The following EVC variants were observed in gnomAD, a reference collection of about 807,000 sequenced individuals.
EVC encodes the protein evC complex member EVC.
EVC carries 116 observed loss-of-function variants against 118.9 expected under a neutral mutation model. The observed-to-expected ratio is 0.98, with a 90% CI of 0.84 to 1.14. The LOEUF (loss-of-function observed/expected upper bound fraction) is 1.14. Ranked by LOEUF, EVC falls within the 50% of genes most tolerant of loss-of-function variation. The pLI, the probability that EVC is intolerant of heterozygous loss-of-function variation, is 0.00. For missense variants in EVC, 1,401 were observed against 1,246.4 expected (o/e 1.12, Z -1.87); for synonymous variants, 619 against 534.7 (o/e 1.16, Z -2.18).
chr4:5,719,398 T>G lies in EVC; in HGVS notation c.300+25T>G, dbSNP rs1724564147. The G allele has an allele frequency of 6.2e-7, 1 of 1,613,862 alleles. No individual in the cohort carries two copies. The highest frequency in any genetic ancestry group is 1.7e-5 in the Admixed American group (1 of 60,010). On this transcript the variant is annotated intron_variant, in intron 2 of 20. Transcript: ENST00000264956. The surrounding 1 kb of genome is among the most constrained non-coding windows in gnomAD (Gnocchi z 4.7). ...TGTAAGCTTGGTGTTGATGTTTGTT[T>G]GTGGAGGCACATGTGGGAGGTGGGG...
the EVC span, chr4:5,824,221 G>A: frequency 1.1e-6 from 1 of 882,672 alleles, no homozygotes; most frequent in Non-Finnish European, 1.4e-6. Flanking sequence ...CTTGTGTCTT[G>A]TTGCACCCAG....
At chr4:5,761,257 A>G (rs116696524) in intron 11 of EVC, among the ~76,000 whole-genome samples, 1 of 152,052 alleles carries the variant, frequency 6.6e-6, no homozygotes. Context: ...CCTGCTCCAC[A>G]GGGAGCATGA....
intron 6 of EVC, 66 bp downstream of exon 6, chr4:5,741,880 A>C: frequency 1.2e-6 from 1 of 845,438 alleles, no homozygotes; most frequent in Non-Finnish European, 1.9e-6. Context: ...ACAACTTATG[A>C]TGCAAAAATT....
intron 14 of EVC, 117 bp downstream of exon 14, chr4:5,797,349 C>A: frequency 1.1e-6 from 1 of 897,034 alleles, no homozygotes; most frequent in Non-Finnish European, 1.8e-6. Context: ...CTGCAGGGTG[C>A]GGTATTCATT....
downstream of EVC, among the ~76,000 whole-genome samples, chr4:5,818,895 C>T (rs1025844279): frequency 2.0e-5 from 3 of 152,322 alleles, no homozygotes; most frequent in Non-Finnish European, 2.9e-5. Flanking sequence ...GTGGGGTCCA[C>T]AGAACTAGCA....
intron 11 of EVC, among the ~76,000 whole-genome samples, chr4:5,767,706 C>T (rs1733159313): frequency 6.6e-6 from 1 of 152,170 alleles, no homozygotes; most frequent in Admixed American, 6.5e-5. Flanking sequence ...GGAAAGGGAA[C>T]TCCCTGACCC....
chr4:5,821,770 CTGG>C, the EVC span: 1 of 1,610,288 alleles, frequency 6.2e-7, no homozygotes, highest in Non-Finnish European at 8.5e-7. The surrounding 1 kb of genome is among the most constrained non-coding windows in gnomAD (Gnocchi z 4.4). Context: ...TCAACCGAGG[CTGG>C]TGATGTTGGA....
Position 5,731,434 on chromosome 4 carries a change from G to A in EVC, c.394G>A (p.Asp132Asn), listed in dbSNP as rs1345242139. Residue 132 changes from aspartate to asparagine, a missense_variant, in exon 4 of 21, where the codon GAT (aspartate) becomes AAT (asparagine). Asp to Asn is a conservative substitution (Grantham distance 23, BLOSUM62 1). Transcript: ENST00000264956. This position sits in a 1 kb window ranked among gnomAD's most constrained non-coding sequence, Gnocchi z 5.6. ...CCTACTGCCACCCCAGCCTCTGGCCGATGGCTCCTCCAACCCGTCTCTGCA... is the reference window on the plus strand; with the variant it reads ...CCTACTGCCACCCCAGCCTCTGGCCAATGGCTCCTCCAACCCGTCTCTGCA... ...PINQKFRPLA[D>N]GSSNPSLHEN... The A allele has an allele frequency of 3.1e-6, 5 of 1,613,294 alleles. No homozygotes were observed. Among genetic ancestry groups the A allele is most frequent in the South Asian group, 1.1e-5 (1 of 91,030 alleles).
chr4:5,796,696 C>T (rs1044711900), intron 13 of EVC, among the ~76,000 whole-genome samples: 1 of 151,920 alleles, frequency 6.6e-6, no homozygotes, highest in African/African-American at 2.4e-5. Flanking sequence ...GAAATAGGAA[C>T]TCAAAAATGG....
intron 5 of EVC, among the ~76,000 whole-genome samples, chr4:5,734,095 C>T (rs908416017): frequency 6.6e-6 from 1 of 152,186 alleles, no homozygotes; most frequent in African/African-American, 2.4e-5. Context: ...AGCCACGGAC[C>T]TGAGCTATGG....
intron 17 of EVC, among the ~76,000 whole-genome samples, chr4:5,806,381 G>A (rs753824732): frequency 5.3e-5 from 8 of 152,010 alleles, no homozygotes; most frequent in Non-Finnish European, 5.9e-5. Flanking sequence ...CGCCCAGCCT[G>A]TCATTCTACT....
chr4:5,766,000 G>A (rs1220218677), intron 11 of EVC, among the ~76,000 whole-genome samples: 4 of 132,772 alleles, frequency 3.0e-5, no homozygotes, highest in Middle Eastern at 3.7e-3. Flanking sequence ...TCCTAGTCTC[G>A]ATGGTCTTTA....
intron 1 of EVC, among the ~76,000 whole-genome samples, chr4:5,718,147 G>T (rs9996194): frequency 6.6e-6 from 1 of 152,082 alleles, no homozygotes; most frequent in Admixed American, 6.5e-5. Context: ...ATTCATGGTA[G>T]TTATGTTCTG....
At chr4:5,724,425 A>G (rs1046084853) in intron 2 of EVC, among the ~76,000 whole-genome samples, 4 of 152,012 alleles carry the variant, frequency 2.6e-5, no homozygotes, top group African/African-American at 9.7e-5. Context: ...TTCTCCACGA[A>G]CCCCCACTTC....
chr4:5,764,670 A>C (rs1393924808), intron 11 of EVC, among the ~76,000 whole-genome samples: 2 of 142,844 alleles, frequency 1.4e-5, no homozygotes, highest in African/African-American at 2.6e-5. Flanking sequence ...TTTCTTCTAG[A>C]TTTTCTAGTT....
At chr4:5,782,156 C>T (rs578150424) in intron 11 of EVC, among the ~76,000 whole-genome samples, 5 of 152,268 alleles carry the variant, frequency 3.3e-5, no homozygotes, top group African/African-American at 1.2e-4. Context: ...CAGCCCACTG[C>T]AACCTGGACC....
At chr4:5,793,837 A>G in intron 13 of EVC, 120 bp downstream of exon 13, 1 of 771,946 alleles carries the variant, frequency 1.3e-6, no homozygotes. Flanking sequence ...TTGAATGTAA[A>G]TGACTTAACG....
chr4:5,810,411 A>G lies in EVC; in HGVS notation c.2855A>G (p.Glu952Gly). 6.2e-7 allele frequency: 1 copy of G among 1,613,674 alleles called. No individual in the cohort carries two copies. The change falls in exon 20 of 21, where the codon GAG (glutamate) becomes GGG (glycine). Residue 952 changes from glutamate (E) to glycine (G), a missense_variant. Coordinates refer to ENST00000264956, the MANE Select transcript of EVC (RefSeq NM_153717.3). Reference sequence around the variant, plus strand: ...GGGGACCTGGGGGTGCCCAACAATGAGGACCTTGCCTCCGGGGACCAGACC... The same window carrying G: ...GGGGACCTGGGGGTGCCCAACAATGGGGACCTTGCCTCCGGGGACCAGACC... ...ERGDLGVPNN[E>G]DLASGDQTSG... is the part of the protein sequence containing the mutation.
chr4:5,772,295 T>A (rs1323388888), intron 11 of EVC, among the ~76,000 whole-genome samples: 1 of 152,082 alleles, frequency 6.6e-6, no homozygotes, highest in Non-Finnish European at 1.5e-5. Flanking sequence ...TACCCCTCTT[T>A]CCTTTTGGTA....
Sources: allele counts gnomAD v4.1 joint callset (sites outside exome capture counted in the v4.1 genomes callset), GRCh38; gene constraint gnomAD v4.1.1; non-coding constraint Gnocchi (gnomAD v3.1); transcripts MANE v1.5; gene names NCBI Gene and HGNC (gene_info 2026-07-23, HGNC 2026-07-21).